The following ENOX1 variants were observed in gnomAD, a reference collection of about 807,000 sequenced individuals.
The protein encoded by ENOX1 is ecto-NOX disulfide-thiol exchanger 1.
Under a neutral mutation model 82.5 loss-of-function variants are expected in ENOX1, and 42 were observed. That is an observed-to-expected ratio of 0.51 (90% CI 0.40 to 0.66). The LOEUF (loss-of-function observed/expected upper bound fraction) is 0.66, where lower values mean the gene tolerates loss of function less well. ENOX1 is among the 30% of genes least tolerant of loss of function. ENOX1 has a pLI of 0.00. For missense variants in ENOX1, 608 were observed against 811.6 expected, an observed-to-expected ratio of 0.75 and a Z score of 3.05; for synonymous variants, 271 against 282.2, an observed-to-expected ratio of 0.96 and a Z score of 0.40.
intron 2 of ENOX1, among the ~76,000 whole-genome samples, chr13:43,608,454 C>T (rs1020958485): frequency 6.6e-6 from 1 of 152,230 alleles, no homozygotes; most frequent in East Asian, 1.9e-4. Flanking sequence ...TACATTTTCC[C>T]GTGTTTATCT....
intron 3 of ENOX1, among the ~76,000 whole-genome samples, chr13:43,466,168 T>C (rs991333014): frequency 6.6e-6 from 1 of 151,754 alleles, no homozygotes; most frequent in Non-Finnish European, 1.5e-5. Flanking sequence ...TCTATTTTTT[T>C]GATACCAGGT....
chr13:43,487,256 T>C (rs192157225), intron 2 of ENOX1, among the ~76,000 whole-genome samples: 1 of 152,242 alleles, frequency 6.6e-6, no homozygotes, highest in Non-Finnish European at 1.5e-5. Flanking sequence ...AAACGTGCTA[T>C]GAAGCTCAGA....
chr13:43,767,330 G>A (rs1951336137), intron 1 of ENOX1, among the ~76,000 whole-genome samples: 1 of 122,858 alleles, frequency 8.1e-6, no homozygotes, highest in South Asian at 2.6e-4. Flanking sequence ...AGTATGCACT[G>A]TTCAATGACA....
chr13:43,690,751 C>T (rs916253708), intron 1 of ENOX1, among the ~76,000 whole-genome samples: 2 of 152,194 alleles, frequency 1.3e-5, no homozygotes, highest in African/African-American at 2.4e-5. Context: ...TTCAACGTCT[C>T]CTAGCTTCAA....
intron 3 of ENOX1, among the ~76,000 whole-genome samples, chr13:43,434,937 G>GTTTGTTTTTTTTTTTTTTT (rs1555273075): frequency 1.3e-5 from 1 of 75,910 alleles, no homozygotes; most frequent in Non-Finnish European, 2.5e-5. Context: ...TGTGTGTGTG[G>GTTTGTTTTTTTTTTTTTTT]TTTTTTTTTT....
intron 3 of ENOX1, among the ~76,000 whole-genome samples, chr13:43,469,022 G>T (rs1214497072): frequency 6.6e-6 from 1 of 152,116 alleles, no homozygotes. Context: ...CTAGAAGTGG[G>T]TAGAGTAGAA....
intron 12 of ENOX1, among the ~76,000 whole-genome samples, chr13:43,287,532 G>GAAAAC (rs2045767396): frequency 6.6e-6 from 1 of 152,170 alleles, no homozygotes; most frequent in African/African-American, 2.4e-5. Flanking sequence ...AAGAAGTACA[G>GAAAAC]AAAACAAACA....
At chr13:43,481,334 TAG>T (rs2058500548) in intron 3 of ENOX1, among the ~76,000 whole-genome samples, 2 of 152,002 alleles carry the variant, frequency 1.3e-5, no homozygotes, top group Admixed American at 6.5e-5. Context: ...TGGAAGAGGA[TAG>T]AGAGTCCAGA....
intron 1 of ENOX1, among the ~76,000 whole-genome samples, chr13:43,686,667 T>G (rs182925443): frequency 1.3e-4 from 20 of 152,284 alleles, no homozygotes; most frequent in Admixed American, 6.5e-5. Context: ...CAAATGCAAT[T>G]TTCCCCATTT....
At chr13:43,377,560 T>C (rs1008462364) in intron 5 of ENOX1, among the ~76,000 whole-genome samples, 4 of 152,204 alleles carry the variant, frequency 2.6e-5, no homozygotes, top group African/African-American at 9.7e-5. Flanking sequence ...AATTACCCTC[T>C]GAGTAAAAAT....
intron 12 of ENOX1, among the ~76,000 whole-genome samples, chr13:43,284,590 C>CA (rs773505402): frequency 1.8e-4 from 27 of 152,150 alleles, no homozygotes; most frequent in Admixed American, 6.5e-4. Context: ...ATTAAGAGAA[C>CA]AAAAGGAAGA....
chr13:43,589,492 G>A (rs2081145699), intron 2 of ENOX1, among the ~76,000 whole-genome samples: 2 of 152,062 alleles, frequency 1.3e-5, no homozygotes, highest in Non-Finnish European at 2.9e-5. Context: ...TGGGGTGTCA[G>A]GAAAACTCTA....
chr13:43,389,666 T>G (rs1455894522), intron 5 of ENOX1, among the ~76,000 whole-genome samples: 1 of 152,342 alleles, frequency 6.6e-6, no homozygotes, highest in East Asian at 1.9e-4. Context: ...AGTCCCATTT[T>G]CTAATGAGGA....
chr13:43,784,891 T>C (rs2153857612), intron 1 of ENOX1, among the ~76,000 whole-genome samples: 1 of 152,340 alleles, frequency 6.6e-6, no homozygotes, highest in Non-Finnish European at 1.5e-5. Flanking sequence ...AGCTGGAAAA[T>C]GCTAGAGGCA....
At chr13:43,485,477 G>T (rs2076381266) in intron 2 of ENOX1, among the ~76,000 whole-genome samples, 1 of 152,108 alleles carries the variant, frequency 6.6e-6, no homozygotes, top group African/African-American at 2.4e-5. Context: ...GAAATTTTTA[G>T]TTTATTGGAT....
At chr13:43,281,550 G>A (rs918583940) in intron 12 of ENOX1, among the ~76,000 whole-genome samples, 4 of 151,222 alleles carry the variant, frequency 2.6e-5, no homozygotes, top group Admixed American at 2.0e-4. Flanking sequence ...CCACATGCCT[G>A]TGATGAAGTG....
intron 1 of ENOX1, among the ~76,000 whole-genome samples, chr13:43,674,196 C>T (rs943696053): frequency 6.6e-6 from 1 of 152,156 alleles, no homozygotes; most frequent in African/African-American, 2.4e-5. Flanking sequence ...ATGTATTATG[C>T]AGCAGGAATT....
At chr13:43,423,365 C>T (rs2055089794) in intron 3 of ENOX1, among the ~76,000 whole-genome samples, 1 of 152,140 alleles carries the variant, frequency 6.6e-6, no homozygotes, top group Admixed American at 6.5e-5. Flanking sequence ...AAACATAAGC[C>T]TGGATCCATT....
At chr13:43,463,809 A>T (rs1213591516) in intron 3 of ENOX1, among the ~76,000 whole-genome samples, 1 of 152,212 alleles carries the variant, frequency 6.6e-6, no homozygotes, top group Non-Finnish European at 1.5e-5. Flanking sequence ...TTTTCATGAC[A>T]ACTAGATTCA....
Sources: gnomAD v4.1 joint callset for allele counts (sites outside exome capture counted in the v4.1 genomes callset) on GRCh38, gnomAD v4.1.1 for gene constraint, MANE v1.5 for transcripts, NCBI Gene and HGNC (gene_info 2026-07-23, HGNC 2026-07-21) for gene names.